Variants in LSAMP observed in about 807,000 individuals in gnomAD.
LSAMP encodes the protein limbic system-associated membrane protein.
Under a neutral mutation model 38.6 loss-of-function variants are expected in LSAMP, and 7 were observed. The observed-to-expected ratio is 0.18, with a 90% CI of 0.10 to 0.34. LSAMP has a LOEUF of 0.34. Ranked by LOEUF, LSAMP falls within the 10% of genes least tolerant of loss-of-function variation. The probability of loss-of-function intolerance (pLI) is 1.00; values close to 1 mark genes in which losing one functional copy is unlikely to be tolerated. For missense variants in LSAMP, 313 were observed against 420.0 expected, an observed-to-expected ratio of 0.75 and a Z score of 2.23; for synonymous variants, 154 against 166.8, an observed-to-expected ratio of 0.92 and a Z score of 0.59.
At chr3:116,099,899 C>G (rs1456186936) in intron 1 of LSAMP, among the ~76,000 whole-genome samples, 1 of 151,980 alleles carries the variant, frequency 6.6e-6, no homozygotes, top group South Asian at 2.1e-4. Context: ...TAATTGAAAT[C>G]TGAAATGGTA....
chr3:116,290,598 C>T lies in LSAMP; in HGVS notation c.155+154279G>A, dbSNP rs553437890. 7.6e-4 allele frequency among the ~76,000 whole-genome samples: 116 copies of T among 151,814 alleles called. 1 individual carries two copies. The highest frequency in any genetic ancestry group is 1.9e-3 in the South Asian group (9 of 4,804). On this transcript the variant is annotated intron_variant, in intron 1 of 6. Coordinates refer to ENST00000490035, the MANE Select transcript of LSAMP (RefSeq NM_002338.5). Reference sequence around the variant, plus strand: ...TACAAAAATTAGCCTGGTGTGGTGGCGTGTGCCTGTAATCCCAGCTACTCA... The same window carrying T: ...TACAAAAATTAGCCTGGTGTGGTGGTGTGTGCCTGTAATCCCAGCTACTCA...
At chr3:116,267,529 G>C (rs1162096905) in intron 1 of LSAMP, among the ~76,000 whole-genome samples, 1 of 150,616 alleles carries the variant, frequency 6.6e-6, no homozygotes, top group Non-Finnish European at 1.5e-5. Flanking sequence ...AGGATGTATA[G>C]AGAAGTTTCT....
intron 3 of LSAMP, among the ~76,000 whole-genome samples, chr3:115,933,064 A>G (rs572735553): frequency 4.1e-4 from 63 of 152,262 alleles, no homozygotes; most frequent in South Asian, 3.1e-3. Flanking sequence ...GCGAAGTGAG[A>G]GCTAGCAGTC....
chr3:116,387,743 A>G (rs1175664855), intron 1 of LSAMP, among the ~76,000 whole-genome samples: 1 of 152,170 alleles, frequency 6.6e-6, no homozygotes, highest in Admixed American at 6.5e-5. Context: ...TCACTGCCAC[A>G]TCATACATGC....
At chr3:116,291,436 G>C (rs138061658) in intron 1 of LSAMP, among the ~76,000 whole-genome samples, 2 of 152,142 alleles carry the variant, frequency 1.3e-5, no homozygotes, top group Non-Finnish European at 2.9e-5. Context: ...CTTAACCTCC[G>C]TGGGTTTCGG....
intron 1 of LSAMP, among the ~76,000 whole-genome samples, chr3:116,230,911 T>C (rs1260026914): frequency 6.6e-6 from 1 of 152,158 alleles, no homozygotes; most frequent in Non-Finnish European, 1.5e-5. Context: ...AGGAGGAACC[T>C]GAGGAAGAGT....
intron 1 of LSAMP, among the ~76,000 whole-genome samples, chr3:116,247,545 T>G (rs2046620342): frequency 6.6e-6 from 1 of 152,152 alleles, no homozygotes; most frequent in African/African-American, 2.4e-5. Context: ...TTATGGAGAT[T>G]TTTAGAGATA....
At chr3:116,322,411 A>AT (rs1342320285) in intron 1 of LSAMP, among the ~76,000 whole-genome samples, 1 of 152,188 alleles carries the variant, frequency 6.6e-6, no homozygotes, top group Admixed American at 6.5e-5. Flanking sequence ...ACATCCAAAC[A>AT]TTTTTTAAAA....
At chr3:116,173,932 C>T (rs930529814) in intron 1 of LSAMP, among the ~76,000 whole-genome samples, 5 of 151,840 alleles carry the variant, frequency 3.3e-5, no homozygotes, top group African/African-American at 1.2e-4. Context: ...GAAAAAGTAT[C>T]CAGCACTTTG....
At chr3:116,271,463 T>G (rs1038629767) in intron 1 of LSAMP, among the ~76,000 whole-genome samples, 1 of 152,110 alleles carries the variant, frequency 6.6e-6, no homozygotes, top group African/African-American at 2.4e-5. Flanking sequence ...ATATCTTCCT[T>G]AAGATTGCTA....
chr3:116,245,881 A>G (rs912856498), intron 1 of LSAMP, among the ~76,000 whole-genome samples: 2 of 152,182 alleles, frequency 1.3e-5, no homozygotes, highest in African/African-American at 4.8e-5. Context: ...GGCCATTTTC[A>G]TTATGTTCTT....
Position 116,164,564 on chromosome 3 carries a change from CTAATCCAAATATATATATATATATATATA to C in LSAMP, c.156-78037_156-78009del, listed in dbSNP as rs1559766217. On this transcript the variant is annotated intron_variant, in intron 1 of 6. Coordinates refer to ENST00000490035, the MANE Select transcript of LSAMP (RefSeq NM_002338.5). ...TTCATTTGAAATCAACATGGGGTCA[CTAATCCAAATATATATATATATATATATA>C]TAATCCAAATATATATATATATATA... 3.7e-3 allele frequency among the ~76,000 whole-genome samples: 179 copies of C among 48,914 alleles called. 2 individuals carry two copies. The highest frequency in any genetic ancestry group is 9.9e-3 in the African/African-American group (168 of 16,972). 32.1% of individuals were successfully genotyped at this position (48,914 alleles called of 152,430 possible). A position where few individuals can be genotyped will look rare whatever the true frequency, so the allele number is the denominator to read the frequency against.
chr3:116,008,750 T>G (rs1473323042), intron 3 of LSAMP, among the ~76,000 whole-genome samples: 1 of 152,042 alleles, frequency 6.6e-6, no homozygotes, highest in African/African-American at 2.4e-5. Flanking sequence ...GGGATGAACT[T>G]TAGTGTTACC....
intron 1 of LSAMP, among the ~76,000 whole-genome samples, chr3:116,413,974 T>C (rs2049015275): frequency 6.6e-6 from 1 of 151,456 alleles, no homozygotes; most frequent in Admixed American, 6.6e-5. Flanking sequence ...TTTACCCTAA[T>C]GCATGTCTCT....
At chr3:116,200,167 T>A (rs2045970473) in intron 1 of LSAMP, among the ~76,000 whole-genome samples, 1 of 151,986 alleles carries the variant, frequency 6.6e-6, no homozygotes, top group East Asian at 1.9e-4. Flanking sequence ...AACTTGTTGA[T>A]CAACTAATAA....
chr3:116,026,833 C>T lies in LSAMP; in HGVS notation c.389-7193G>A, dbSNP rs1387986626. Among the ~76,000 whole-genome samples, 3 of 152,112 alleles carry T rather than the reference C, an allele frequency of 2.0e-5. No individual in the cohort carries two copies. In the East Asian group the frequency reaches 5.8e-4, roughly 29 times the overall value. On this transcript the variant is annotated intron_variant, in intron 2 of 6. Transcript: ENST00000490035. Reference sequence around the variant, plus strand: ...GGGTCATGTTACTTGCTTTTGCCAACAGGATGTCAGCATCTGGAACACAAG... The same window carrying T: ...GGGTCATGTTACTTGCTTTTGCCAATAGGATGTCAGCATCTGGAACACAAG...
In LSAMP at chr3:116,184,549, G is replaced by T. The variant is rs575791915; in HGVS notation, c.156-97993C>A. Among the ~76,000 whole-genome samples, 9 of 151,964 alleles carry T rather than the reference G, an allele frequency of 5.9e-5. No homozygotes were observed. In the South Asian group the frequency reaches 1.9e-3, roughly 32 times the overall value. ...TTTTGACCTGGGGTAACTGGGATTT[G>T]GGGGTATCTTTAAAAATATAAAATT... On this transcript the variant is annotated intron_variant, in intron 1 of 6. Transcript: ENST00000490035.
At chr3:115,939,544 CT>C (rs1392737401) in intron 3 of LSAMP, among the ~76,000 whole-genome samples, 1 of 84,448 alleles carries the variant, frequency 1.2e-5, no homozygotes, top group Non-Finnish European at 2.7e-5. Flanking sequence ...TTCTTTCTTT[CT>C]TTCTTTCTTT....
intron 1 of LSAMP, among the ~76,000 whole-genome samples, chr3:116,344,741 A>G (rs2048041403): frequency 6.6e-6 from 1 of 152,186 alleles, no homozygotes; most frequent in African/African-American, 2.4e-5. Flanking sequence ...GAGGTTAAGT[A>G]TTATTACCCT....
Sources: allele counts gnomAD v4.1 joint callset (sites outside exome capture counted in the v4.1 genomes callset), GRCh38; gene constraint gnomAD v4.1.1; transcripts MANE v1.5; gene names NCBI Gene and HGNC (gene_info 2026-07-23, HGNC 2026-07-21).